Variants in GPC6 observed in about 807,000 individuals in gnomAD.
GPC6 encodes glypican-6.
Under a neutral mutation model 55.2 loss-of-function variants are expected in GPC6, and 14 were observed. The ratio of observed to expected loss-of-function variants is 0.25; its 90% CI spans 0.17 to 0.40. GPC6 has a LOEUF of 0.40. Ranked by LOEUF, GPC6 falls within the 10% of genes least tolerant of loss-of-function variation. The probability of loss-of-function intolerance (pLI) is 1.00; values close to 1 mark genes in which losing one functional copy is unlikely to be tolerated. For missense variants in GPC6, 641 were observed against 708.5 expected, an observed-to-expected ratio of 0.90 and a Z score of 1.08; for synonymous variants, 278 against 259.6, an observed-to-expected ratio of 1.07 and a Z score of -0.68.
intron 2 of GPC6, among the ~76,000 whole-genome samples, chr13:93,676,879 C>CT (rs1881653883): frequency 6.6e-6 from 1 of 151,996 alleles, no homozygotes. Context: ...GTCTGGAACT[C>CT]TATCTCGGTG....
intron 1 of GPC6, among the ~76,000 whole-genome samples, chr13:93,348,653 G>A (rs1008507799): frequency 2.0e-5 from 3 of 152,168 alleles, no homozygotes; most frequent in Non-Finnish European, 4.4e-5. Context: ...TTCCCTTTCT[G>A]ATCAAAGCAG....
upstream of GPC6, among the ~76,000 whole-genome samples, chr13:93,225,600 G>A (rs151116082): frequency 0.013 from 1,925 of 152,110 alleles, 24 homozygotes; most frequent in Middle Eastern, 0.024. Flanking sequence ...TTTTTAAAGC[G>A]TTTGGAAAGG....
chr13:94,219,457 T>C (rs572590042), intron 4 of GPC6, among the ~76,000 whole-genome samples: 1 of 152,262 alleles, frequency 6.6e-6, no homozygotes, highest in South Asian at 2.1e-4. Flanking sequence ...CTTGGCAGGC[T>C]TAGAAACATA....
At chr13:94,261,258 G>C (rs184464771) in intron 4 of GPC6, among the ~76,000 whole-genome samples, 6 of 152,280 alleles carry the variant, frequency 3.9e-5, no homozygotes, top group African/African-American at 1.4e-4. Flanking sequence ...CTCAGCAAAA[G>C]AGTGAAACTC....
At chr13:93,539,388 A>G (rs960159691) in intron 1 of GPC6, among the ~76,000 whole-genome samples, 8 of 152,158 alleles carry the variant, frequency 5.3e-5, no homozygotes, top group Non-Finnish European at 7.3e-5. Context: ...GTAGTTGAAC[A>G]GGTTTAGTTA....
At chr13:94,219,058 C>T (rs1890306804) in intron 4 of GPC6, among the ~76,000 whole-genome samples, 1 of 152,158 alleles carries the variant, frequency 6.6e-6, no homozygotes, top group Admixed American at 6.6e-5. Context: ...TAACATGTGT[C>T]AGAAGCATTA....
In GPC6 at chr13:93,646,452, A is replaced by G. The variant is rs138276903; in HGVS notation, c.319+101031A>G. 1.9e-3 allele frequency among the ~76,000 whole-genome samples: 292 copies of G among 152,210 alleles called. 1 individual carries two copies. Among genetic ancestry groups the G allele is most frequent in the African/African-American group, 6.8e-3 (281 of 41,532 alleles). On this transcript the variant is annotated intron_variant, in intron 2 of 8. Transcript: ENST00000377047. ...CATTTAATGTCATCCGTTGCCAGAA[A>G]TCTGTTCCGTAATGATGTCATCAAC...
chr13:93,378,551 T>C (rs1334998776), intron 1 of GPC6, among the ~76,000 whole-genome samples: 1 of 152,212 alleles, frequency 6.6e-6, no homozygotes, highest in Non-Finnish European at 1.5e-5. Context: ...TGTATTTTTA[T>C]GTGTTTTCAT....
chr13:93,634,286 A>C (rs1425381872), intron 2 of GPC6, among the ~76,000 whole-genome samples: 1 of 152,224 alleles, frequency 6.6e-6, no homozygotes, highest in Admixed American at 6.5e-5. Context: ...CAGAACAGAC[A>C]TTAGTGACGC....
chr13:93,359,148 T>G (rs1434875778), intron 1 of GPC6, among the ~76,000 whole-genome samples: 1 of 152,008 alleles, frequency 6.6e-6, no homozygotes, highest in Non-Finnish European at 1.5e-5. Flanking sequence ...AAATTTTTTA[T>G]AGAGGCTGGG....
At chr13:94,157,140 T>G (rs1316106284) in intron 4 of GPC6, among the ~76,000 whole-genome samples, 1 of 152,126 alleles carries the variant, frequency 6.6e-6, no homozygotes, top group Non-Finnish European at 1.5e-5. Flanking sequence ...CTGCCCCTCT[T>G]TAGATGTATG....
At chr13:94,124,730 G>A (rs1241542335) in intron 4 of GPC6, among the ~76,000 whole-genome samples, 1 of 152,078 alleles carries the variant, frequency 6.6e-6, no homozygotes, top group Non-Finnish European at 1.5e-5. Context: ...AGGTTTTTAA[G>A]AATTCAATTT....
At chr13:93,495,928 G>T (rs1410999329) in intron 1 of GPC6, among the ~76,000 whole-genome samples, 2 of 148,414 alleles carry the variant, frequency 1.3e-5, no homozygotes, top group Non-Finnish European at 3.0e-5. Flanking sequence ...TCTCTTCAAA[G>T]CTGTCAGACA....
intron 1 of GPC6, among the ~76,000 whole-genome samples, chr13:93,432,964 G>A (rs202113137): frequency 6.3e-3 from 1 of 160 alleles, no homozygotes; most frequent in African/African-American, 0.01. Flanking sequence ...AAAGAAAAAA[G>A]AAGAGGGAGA....
intron 1 of GPC6, among the ~76,000 whole-genome samples, chr13:93,243,444 C>G (rs1876502666): frequency 6.6e-6 from 1 of 152,176 alleles, no homozygotes; most frequent in Non-Finnish European, 1.5e-5. Context: ...TCCCTCAGGC[C>G]ATGGACTGGT....
chr13:93,944,241 T>C (rs1023457416), intron 3 of GPC6, among the ~76,000 whole-genome samples: 1 of 151,948 alleles, frequency 6.6e-6, no homozygotes, highest in African/African-American at 2.4e-5. Flanking sequence ...TCTTGCTCTG[T>C]CGCCCAGGCT....
chr13:93,543,226 A>T (rs1882400161), intron 1 of GPC6, among the ~76,000 whole-genome samples: 1 of 152,186 alleles, frequency 6.6e-6, no homozygotes, highest in African/African-American at 2.4e-5. Context: ...GAGAGTTTTT[A>T]GCATGAAGCA....
chr13:93,845,186 A>G (rs1888123958), intron 3 of GPC6, among the ~76,000 whole-genome samples: 5 of 152,050 alleles, frequency 3.3e-5, no homozygotes, highest in Admixed American at 3.3e-4. Context: ...GTGAACAGAC[A>G]CTTCTCAAAA....
chr13:93,308,618 T>G lies in GPC6; in HGVS notation c.160+81002T>G, dbSNP rs1319743620. ...CACCACAGCCAGCTAACTTTTGTAT[T>G]TTTAGTAGAGACAGGGTTTTGCCAT... On this transcript the variant is annotated intron_variant, in intron 1 of 8. Coordinates refer to ENST00000377047, the MANE Select transcript of GPC6 (RefSeq NM_005708.5). Among the ~76,000 whole-genome samples, 4 of 152,216 alleles carry G rather than the reference T, an allele frequency of 2.6e-5. No homozygotes were observed. In the East Asian group the frequency reaches 7.8e-4, roughly 30 times the overall value.
Sources: allele counts gnomAD v4.1 joint callset (sites outside exome capture counted in the v4.1 genomes callset), GRCh38; gene constraint gnomAD v4.1.1; transcripts MANE v1.5; gene names NCBI Gene and HGNC (gene_info 2026-07-23, HGNC 2026-07-21).